KCNN3: variants seen among roughly 807,000 people sequenced by gnomAD.
The protein encoded by KCNN3 is small conductance calcium-activated potassium channel protein 3.
Under a neutral mutation model 62.9 loss-of-function variants are expected in KCNN3, and 16 were observed. The observed-to-expected ratio is 0.25, with a 90% CI of 0.17 to 0.39. The LOEUF is 0.39. Ranked by LOEUF, KCNN3 falls within the 10% of genes least tolerant of loss-of-function variation. KCNN3 has a pLI of 1.00. For missense variants in KCNN3, 599 were observed against 949.4 expected (o/e 0.63, Z 4.85); for synonymous variants, 370 against 389.2 (o/e 0.95, Z 0.58).
At chr1:154,867,465 T>C (rs1652998057) in intron 1 of KCNN3, among the ~76,000 whole-genome samples, 1 of 152,124 alleles carries the variant, frequency 6.6e-6, no homozygotes, top group Non-Finnish European at 1.5e-5. Context: ...CCTGGAAGTC[T>C]TGGTCCTGGC....
At chr1:154,822,062 A>G (rs747827093) in intron 2 of KCNN3, 27 bp downstream of exon 2, 2 of 1,559,576 alleles carry the variant, frequency 1.3e-6, no homozygotes, top group East Asian at 2.2e-5. Flanking sequence ...CAGCCGCTGC[A>G]TGAAGGGGTG....
At chr1:154,767,889 A>G (rs987604954) in intron 3 of KCNN3, among the ~76,000 whole-genome samples, 1 of 152,226 alleles carries the variant, frequency 6.6e-6, no homozygotes. Context: ...GGAAATATGA[A>G]AAACCTTTGT....
intron 2 of KCNN3, among the ~76,000 whole-genome samples, chr1:154,814,881 G>A (rs915645692): frequency 6.6e-5 from 10 of 152,234 alleles, no homozygotes; most frequent in African/African-American, 2.4e-4. Context: ...GCGCTCCAGT[G>A]AATCCCCATC....
At chr1:154,780,101 C>T (rs1648961003) in intron 2 of KCNN3, among the ~76,000 whole-genome samples, 1 of 151,954 alleles carries the variant, frequency 6.6e-6, no homozygotes, top group Non-Finnish European at 1.5e-5. Context: ...CCAGCAGCCA[C>T]ATGGCACAGC....
In KCNN3 at chr1:154,805,364, CTGAGCAAT is replaced by C. The variant is rs752022567; in HGVS notation, c.1029+16717_1029+16724del. Among the ~76,000 whole-genome samples, 12 of 152,192 alleles carry C rather than the reference CTGAGCAAT, an allele frequency of 7.9e-5. 1 individual carries two copies. The highest frequency in any genetic ancestry group is 1.4e-4 in the African/African-American group (6 of 41,440). On this transcript the variant is annotated intron_variant, in intron 2 of 7. Coordinates refer to ENST00000271915, the MANE Select transcript of KCNN3 (RefSeq NM_002249.6). ...AAATCGCCTCTATTCAATGCCTCCC[CTGAGCAAT>C]TGAGCAATTGAGCAATTAAATCAGA... is the stretch of plus-strand genomic sequence containing the variant.
At chr1:154,746,131 C>T (rs959870224) in intron 3 of KCNN3, among the ~76,000 whole-genome samples, 1 of 152,212 alleles carries the variant, frequency 6.6e-6, no homozygotes, top group Admixed American at 6.5e-5. Context: ...TTCATTTGGT[C>T]AGCAATAGGA....
In KCNN3 at chr1:154,860,328, C is replaced by T. The variant is rs561455871; in HGVS notation, c.933+8704G>A. Among the ~76,000 whole-genome samples, 7 of 152,330 alleles carry T rather than the reference C, an allele frequency of 4.6e-5. 1 individual carries two copies. The South Asian group carries it at 8.3e-4, about 18-fold the overall frequency. On this transcript the variant is annotated intron_variant, in intron 1 of 7. Coordinates refer to ENST00000271915, the MANE Select transcript of KCNN3 (RefSeq NM_002249.6). ...CTCCCTGTGGCCCTACTCTCTCAGC[C>T]TTTTTCTGCCTGGTCATCGTGTGTC...
intron 2 of KCNN3, among the ~76,000 whole-genome samples, chr1:154,795,602 C>T (rs768423690): frequency 6.6e-5 from 10 of 152,166 alleles, no homozygotes; most frequent in Non-Finnish European, 1.5e-4. Context: ...TCATATAACT[C>T]AGTAAATGAG....
At chr1:154,710,775 A>T (rs1700057638) in intron 7 of KCNN3, among the ~76,000 whole-genome samples, 1 of 152,230 alleles carries the variant, frequency 6.6e-6, no homozygotes, top group African/African-American at 2.4e-5. Context: ...GAGAAATGCA[A>T]ATCAAAACCA....
chr1:154,815,338 C>T (rs1418404925), intron 2 of KCNN3, among the ~76,000 whole-genome samples: 2 of 151,908 alleles, frequency 1.3e-5, no homozygotes, highest in Non-Finnish European at 2.9e-5. Flanking sequence ...TTTTTTTCCT[C>T]TCCTGAAACG....
intron 1 of KCNN3, among the ~76,000 whole-genome samples, chr1:154,830,889 C>A (rs1651354824): frequency 6.6e-6 from 1 of 152,182 alleles, no homozygotes; most frequent in Non-Finnish European, 1.5e-5. Flanking sequence ...CCCAAAATAT[C>A]AAGTCAGACG....
intron 3 of KCNN3, among the ~76,000 whole-genome samples, chr1:154,765,072 A>G (rs1448552179): frequency 6.6e-6 from 1 of 152,146 alleles, no homozygotes; most frequent in African/African-American, 2.4e-5. Flanking sequence ...GTGTGCCTCT[A>G]GGATTGTTTC....
intron 1 of KCNN3, among the ~76,000 whole-genome samples, chr1:154,863,469 A>G (rs1652842629): frequency 1.3e-5 from 2 of 152,178 alleles, no homozygotes; most frequent in South Asian, 4.1e-4. Context: ...TGAGCTGAGT[A>G]AAGTGGTATT....
intron 1 of KCNN3, among the ~76,000 whole-genome samples, chr1:154,853,665 C>T (rs142589529): frequency 7.9e-5 from 12 of 152,164 alleles, no homozygotes; most frequent in Admixed American, 7.9e-4. Context: ...CACTCTCAGC[C>T]GGGCATGGTG....
intron 2 of KCNN3, among the ~76,000 whole-genome samples, chr1:154,807,036 T>C (rs1403392439): frequency 1.3e-5 from 2 of 152,192 alleles, no homozygotes; most frequent in Non-Finnish European, 1.5e-5. Context: ...CTTTCTCTTC[T>C]TCCAGAGCCA....
At chr1:154,807,298 G>GC (rs1650212424) in intron 2 of KCNN3, among the ~76,000 whole-genome samples, 1 of 152,180 alleles carries the variant, frequency 6.6e-6, no homozygotes, top group Non-Finnish European at 1.5e-5. Flanking sequence ...GACAACTCGA[G>GC]CCCGTAACCC....
At chr1:154,860,951 G>GTTTTTTTTTTTTTTTTTTTTTTTTTTTT (rs761437574) in intron 1 of KCNN3, among the ~76,000 whole-genome samples, 1 of 112,048 alleles carries the variant, frequency 8.9e-6, no homozygotes, top group African/African-American at 3.6e-5. Flanking sequence ...TGCCACCCAA[G>GTTTTTTTTTTTTTTTTTTTTTTTTTTTT]TTTTTTTTTT....
At chr1:154,801,170 C>T (rs1034165432) in intron 2 of KCNN3, among the ~76,000 whole-genome samples, 2 of 152,080 alleles carry the variant, frequency 1.3e-5, no homozygotes, top group Admixed American at 1.3e-4. Context: ...CACAGGAGGC[C>T]GTTCAATTTT....
intron 3 of KCNN3, among the ~76,000 whole-genome samples, chr1:154,752,732 A>G (rs559897745): frequency 1.3e-5 from 2 of 152,138 alleles, no homozygotes; most frequent in Non-Finnish European, 2.9e-5. Context: ...TCACACAGAC[A>G]TGCCCCCTGC....
Sources: gnomAD v4.1 joint callset for allele counts (sites outside exome capture counted in the v4.1 genomes callset) on GRCh38, gnomAD v4.1.1 for gene constraint, MANE v1.5 for transcripts, NCBI Gene and HGNC (gene_info 2026-07-23, HGNC 2026-07-21) for gene names.